Variants in C1QTNF7 observed in about 807,000 individuals in gnomAD.
C1QTNF7 encodes complement C1q tumor necrosis factor-related protein 7.
In C1QTNF7, 15 loss-of-function variants were observed where a neutral mutation model predicts 19.6. That is an observed-to-expected ratio of 0.76 (90% CI 0.51 to 1.18). The LOEUF (loss-of-function observed/expected upper bound fraction) is 1.18. C1QTNF7 is among the 50% of genes most tolerant of loss of function. The pLI, the probability that C1QTNF7 is intolerant of heterozygous loss-of-function variation, is 0.00. For missense variants in C1QTNF7, 324 were observed against 359.7 expected, an observed-to-expected ratio of 0.90 and a Z score of 0.80; for synonymous variants, 142 against 137.5, an observed-to-expected ratio of 1.03 and a Z score of -0.23.
upstream of C1QTNF7, chr4:15,427,871 CTG>C (rs377690391): frequency 6.0e-4 from 128 of 213,078 alleles, 1 homozygote; most frequent in African/African-American, 2.9e-3. Context: ...CCAAACAAAA[CTG>C]TAATTTTAAC....
At chr4:15,383,844 T>TTC (rs1718235107) in intron 1 of C1QTNF7, among the ~76,000 whole-genome samples, 1 of 152,214 alleles carries the variant, frequency 6.6e-6, no homozygotes, top group Non-Finnish European at 1.5e-5. Flanking sequence ...ATGCATGGTG[T>TTC]TAGAGGTGGC....
At chr4:15,431,157 C>A (rs1712292316) in intron 1 of C1QTNF7, among the ~76,000 whole-genome samples, 1 of 152,056 alleles carries the variant, frequency 6.6e-6, no homozygotes, top group South Asian at 2.1e-4. Context: ...AGTCCAAATA[C>A]CCATCATAGG....
chr4:15,347,154 C>T (rs577883822), intron 1 of C1QTNF7, among the ~76,000 whole-genome samples: 1 of 152,226 alleles, frequency 6.6e-6, no homozygotes, highest in African/African-American at 2.4e-5. Flanking sequence ...GTTCATTGTC[C>T]TCCTGTTTGT....
rs74746126 is a variant in C1QTNF7, at chr4:15,393,967, G to A, written c.14-41769G>A. ...ATCGTATAGTGACTGCATTAAGGGG[G>A]AAGTAAGGGCAGAGGGGGTGTGTAG... On this transcript the variant is annotated intron_variant, in intron 1 of 2. Coordinates refer to the C1QTNF7 transcript ENST00000295297. Among the ~76,000 whole-genome samples the A allele has an allele frequency of 2.4e-3, 372 of 152,000 alleles. 2 individuals are homozygous for A. The highest frequency in any genetic ancestry group is 8.7e-3 in the African/African-American group (359 of 41,432).
At chr4:15,355,807 C>G (rs551098246) in intron 1 of C1QTNF7, among the ~76,000 whole-genome samples, 1 of 152,222 alleles carries the variant, frequency 6.6e-6, no homozygotes, top group East Asian at 1.9e-4. Context: ...AACAAAAACC[C>G]TTTGCCCAGT....
chr4:15,350,024 A>T (rs1716857035), intron 1 of C1QTNF7, among the ~76,000 whole-genome samples: 1 of 143,678 alleles, frequency 7.0e-6, no homozygotes, highest in Non-Finnish European at 1.5e-5. Flanking sequence ...AAAGGAAGGG[A>T]GGAAGGGAGG....
chr4:15,420,409 A>G (rs1711692976), intron 1 of C1QTNF7, among the ~76,000 whole-genome samples: 1 of 152,212 alleles, frequency 6.6e-6, no homozygotes, highest in South Asian at 2.1e-4. Flanking sequence ...GCATCCAAAG[A>G]CATGCATTTC....
rs1170804346 is a variant in C1QTNF7 at position 15,444,476 on chromosome 4, G to A, written c.*1677G>A. On this transcript the variant is annotated 3_prime_UTR_variant, in exon 3 of 3. Transcript: ENST00000444304. ...CCAGATGGTGCGGCGGCTGGCCAGA[G>A]GCACTCTTCACTTCCCAGACAGAGG... 6.6e-6 allele frequency: 1 copy of A among 151,870 alleles called. No homozygotes were observed. The highest frequency in any genetic ancestry group is 1.9e-4 in the East Asian group (1 of 5,170). The allele number at this position is 151,870 out of a possible 1,614,324, so 9.4% of individuals were successfully genotyped here.
At chr4:15,428,903 A>T (rs1179808760) in intron 1 of C1QTNF7, among the ~76,000 whole-genome samples, 2 of 152,190 alleles carry the variant, frequency 1.3e-5, no homozygotes, top group Non-Finnish European at 2.9e-5. Flanking sequence ...CACATTTTCA[A>T]CTTGAATTAA....
intron 1 of C1QTNF7, among the ~76,000 whole-genome samples, chr4:15,349,170 C>T (rs1211148307): frequency 6.6e-6 from 1 of 152,186 alleles, no homozygotes; most frequent in East Asian, 1.9e-4. Flanking sequence ...AATTTCTGCA[C>T]ATTTCCCCAG....
At chr4:15,407,128 T>A (rs1719218764) in intron 1 of C1QTNF7, among the ~76,000 whole-genome samples, 1 of 152,088 alleles carries the variant, frequency 6.6e-6, no homozygotes, top group South Asian at 2.1e-4. Flanking sequence ...CACATGTAAA[T>A]GTTTAAGAGT....
intron 1 of C1QTNF7, among the ~76,000 whole-genome samples, chr4:15,394,829 C>T (rs1260683392): frequency 1.3e-5 from 2 of 151,728 alleles, no homozygotes; most frequent in African/African-American, 2.4e-5. Flanking sequence ...CCTAAGGCAT[C>T]CCCAAGTGCC....
At chr4:15,357,675 A>G (rs2109295642) in intron 1 of C1QTNF7, among the ~76,000 whole-genome samples, 1 of 152,314 alleles carries the variant, frequency 6.6e-6, no homozygotes, top group African/African-American at 2.4e-5. Flanking sequence ...TACTTTGGGC[A>G]GTATGGCCAT....
chr4:15,383,222 C>A (rs1473074313), intron 1 of C1QTNF7, among the ~76,000 whole-genome samples: 1 of 152,142 alleles, frequency 6.6e-6, no homozygotes, highest in Admixed American at 6.5e-5. Flanking sequence ...ATTTGTGTGA[C>A]AAATGCAATC....
chr4:15,373,667 C>T (rs1717815666), intron 1 of C1QTNF7, among the ~76,000 whole-genome samples: 1 of 152,168 alleles, frequency 6.6e-6, no homozygotes, highest in Non-Finnish European at 1.5e-5. Flanking sequence ...ATTTCTAGAT[C>T]TAGTGTTCTT....
intron 1 of C1QTNF7, among the ~76,000 whole-genome samples, chr4:15,363,038 A>T (rs1717397423): frequency 1.3e-5 from 2 of 152,182 alleles, no homozygotes; most frequent in Admixed American, 1.3e-4. Context: ...CCCTGCCTTG[A>T]AATTTTGTAC....
At chr4:15,377,123 G>A (rs1219378533) in intron 1 of C1QTNF7, among the ~76,000 whole-genome samples, 1 of 152,134 alleles carries the variant, frequency 6.6e-6, no homozygotes, top group East Asian at 1.9e-4. Context: ...GATGATTCTG[G>A]TATATACTAA....
chr4:15,382,328 C>CA lies in C1QTNF7; in HGVS notation c.13+42129dup, dbSNP rs565577701. Among the ~76,000 whole-genome samples the CA allele has an allele frequency of 1.5e-3, 222 of 148,846 alleles. 1 individual carries two copies. Among genetic ancestry groups the CA allele is most frequent in the Middle Eastern group, 3.4e-3 (1 of 294 alleles). ...AAATTAAAAAGAGGAAAATCACAAACAAAAAAAAGAGCCTACAGATTTGCA... is the reference window on the plus strand; with the variant it reads ...AAATTAAAAAGAGGAAAATCACAAACAAAAAAAAAGAGCCTACAGATTTGCA... On this transcript the variant is annotated intron_variant, in intron 1 of 2. Coordinates refer to the C1QTNF7 transcript ENST00000295297.
At chr4:15,398,530 G>A (rs1210004756) in intron 1 of C1QTNF7, among the ~76,000 whole-genome samples, 1 of 152,092 alleles carries the variant, frequency 6.6e-6, no homozygotes, top group East Asian at 1.9e-4. Context: ...GACTACCTGG[G>A]TCTAGGCTCA....
Sources: allele counts gnomAD v4.1 joint callset (sites outside exome capture counted in the v4.1 genomes callset), GRCh38; gene constraint gnomAD v4.1.1; transcripts MANE v1.5; gene names NCBI Gene and HGNC (gene_info 2026-07-23, HGNC 2026-07-21).